REEP2: variants seen among roughly 807,000 people sequenced by gnomAD.
REEP2 encodes the protein receptor expression-enhancing protein 2.
REEP2 carries 9 observed loss-of-function variants against 32.1 expected under a neutral mutation model. That is an observed-to-expected ratio of 0.28 (90% CI 0.17 to 0.49). The LOEUF (loss-of-function observed/expected upper bound fraction) is 0.49. REEP2 is among the 20% of genes least tolerant of loss of function. The probability of loss-of-function intolerance (pLI) is 0.99; values close to 1 mark genes in which losing one functional copy is unlikely to be tolerated. For synonymous variants in REEP2, 128 were observed against 139.1 expected, an observed-to-expected ratio of 0.92 and a Z score of 0.56; for missense variants, 236 against 338.0, an observed-to-expected ratio of 0.70 and a Z score of 2.37.
rs1440828305 is a variant in REEP2, at chr5:138,445,860, G to A, written c.*109G>A. 1.8e-6 allele frequency: 2 copies of A among 1,113,774 alleles called. No homozygotes were observed. Among genetic ancestry groups the A allele is most frequent in the East Asian group, 5.1e-5 (2 of 39,130 alleles). The allele number at this position is 1,113,774 out of a possible 1,614,324, so 69.0% of individuals were successfully genotyped here. A position where few individuals can be genotyped will look rare whatever the true frequency, so the allele number is the denominator to read the frequency against. On this transcript the variant is annotated 3_prime_UTR_variant, in exon 8 of 8. Coordinates refer to ENST00000378339, the MANE Select transcript of REEP2 (RefSeq NM_001271803.2). ...GTAGCCTAGGTGTCTCAGGCCCCTG[G>A]GCCCCGCAGATGGCCATTTCCGGTG...
At chr5:138,439,331 C>A in intron 1 of REEP2, 91 bp downstream of exon 1, 1 of 1,285,598 alleles carries the variant, frequency 7.8e-7, no homozygotes, top group Non-Finnish European at 1.0e-6. Flanking sequence ...CTTCGTGCAG[C>A]AGAGTCACCT....
chr5:138,441,496 C>G lies in REEP2; in HGVS notation c.182+35C>G, dbSNP rs762332862. ...AGCGTCCCCTCCTGTATCTCAGGGC[C>G]CAGGGCCTCTGCCTTTCTCTACCCA... On this transcript the variant is annotated intron_variant, in intron 3 of 7. Transcript: ENST00000378339. This position sits in a 1 kb window ranked among gnomAD's most constrained non-coding sequence, Gnocchi z 4.4. The G allele has an allele frequency of 3.2e-5, 50 of 1,576,340 alleles. No individual in the cohort carries two copies. Among genetic ancestry groups the G allele is most frequent in the Non-Finnish European group, 4.0e-5 (46 of 1,145,686 alleles).
In REEP2 at chr5:138,441,863, G is replaced by A. The variant is rs897091832; in HGVS notation, c.182+402G>A. Among the ~76,000 whole-genome samples the A allele has an allele frequency of 6.6e-6, 1 of 152,032 alleles. No homozygotes were observed. Among genetic ancestry groups the A allele is most frequent in the African/African-American group, 2.4e-5 (1 of 41,394 alleles). ...AATTGCTTGAACCCAGGAGGTAGAG[G>A]TTGCAGTGAGCCGAGATCGCGCCAT... On this transcript the variant is annotated intron_variant, in intron 3 of 7. Coordinates refer to ENST00000378339, the MANE Select transcript of REEP2 (RefSeq NM_001271803.2). This position sits in a 1 kb window ranked among gnomAD's most constrained non-coding sequence, Gnocchi z 4.4.
chr5:138,442,775 G>C (rs1171119361), intron 3 of REEP2, among the ~76,000 whole-genome samples: 1 of 151,266 alleles, frequency 6.6e-6, no homozygotes, highest in East Asian at 2.0e-4. Context: ...GCAGGAGAAC[G>C]GTGTGAACCC....
At chr5:138,444,384 C>T (rs1177888405) in intron 3 of REEP2, 31 bp from the exon 4 acceptor site, 2 of 1,610,762 alleles carry the variant, frequency 1.2e-6, no homozygotes, top group South Asian at 1.1e-5. Flanking sequence ...ACTCCCTGCC[C>T]TGTACTCTGC....
intron 1 of REEP2, chr5:138,439,875 G>T (rs1362255692): frequency 2.5e-6 from 1 of 406,100 alleles, no homozygotes; most frequent in East Asian, 7.1e-5. Context: ...TGTGGACCCC[G>T]CTGGGGGAGG....
chr5:138,442,811 A>C (rs1763849671), intron 3 of REEP2, among the ~76,000 whole-genome samples: 1 of 150,896 alleles, frequency 6.6e-6, no homozygotes, highest in Non-Finnish European at 1.5e-5. Flanking sequence ...CAGTGAGTCG[A>C]GATCGAGCCA....
chr5:138,444,255 C>T (rs1010021274), intron 3 of REEP2, 160 bp from the exon 4 acceptor site: 13 of 761,152 alleles, frequency 1.7e-5, no homozygotes, highest in Admixed American at 8.5e-5. Context: ...CCCTCCAGAC[C>T]CTTTCAGATT....
intron 1 of REEP2, 22 bp from the exon 2 acceptor site, chr5:138,440,994 G>A: frequency 6.2e-7 from 1 of 1,610,926 alleles, no homozygotes; most frequent in Non-Finnish European, 8.5e-7. Context: ...GAGAGGCCCA[G>A]TAACCATGCC....
chr5:138,440,833 C>T, intron 1 of REEP2, 183 bp from the exon 2 acceptor site: 2 of 1,168,686 alleles, frequency 1.7e-6, no homozygotes, highest in Admixed American at 2.7e-5. Context: ...GGGGAGGGGG[C>T]ATCACCCTAC....
At position 138,446,105 on chromosome 5, in the gene REEP2, CG is replaced by C; in HGVS notation, c.*355del. ...GCAATCCGCTTCTCAGAGGTCCTGT[CG>C]TGTTTCCACTGCTCGCCTTGGTTTG... On this transcript the variant is annotated 3_prime_UTR_variant, in exon 8 of 8. Transcript: ENST00000378339. 1 of 228,880 alleles carries C rather than the reference CG, an allele frequency of 4.4e-6. No homozygotes were observed. Among genetic ancestry groups the C allele is most frequent in the South Asian group, 9.8e-5 (1 of 10,210 alleles). The allele number at this position is 228,880 out of a possible 1,614,324, so 14.2% of individuals were successfully genotyped here. A position where few individuals can be genotyped will look rare whatever the true frequency, so the allele number is the denominator to read the frequency against.
chr5:138,444,102 TG>T (rs2127024655), intron 3 of REEP2, among the ~76,000 whole-genome samples: 1 of 152,092 alleles, frequency 6.6e-6, no homozygotes, highest in East Asian at 1.9e-4. Flanking sequence ...CCCTTGGTGT[TG>T]ACCCTAGGGC....
At chr5:138,442,793 G>T (rs938646908) in intron 3 of REEP2, among the ~76,000 whole-genome samples, 1 of 151,004 alleles carries the variant, frequency 6.6e-6, no homozygotes. Context: ...CCCAGGAGGC[G>T]GAGCTTGCAG....
chr5:138,445,734 G>T lies in REEP2; in HGVS notation c.748G>T (p.Gly250Trp). The T allele has an allele frequency of 6.2e-7, 1 of 1,614,018 alleles. No homozygotes were observed. The highest frequency in any genetic ancestry group is 8.5e-7 in the Non-Finnish European group (1 of 1,179,978). Reference protein sequence around the residue: ...KTRPKKKTSGGGDSA With the variant: ...KTRPKKKTSGWGDSA The stretch of plus-strand genomic sequence containing the variant: ...CCGGCCCAAGAAGAAGACCTCTGGC[G>T]GGGGCGACTCAGCTTGAGCCCCTCC... Residue 250 changes from glycine (G) to tryptophan (W), a missense_variant, in exon 8 of 8, where the codon GGG becomes TGG. Coordinates refer to ENST00000378339, the MANE Select transcript of REEP2 (RefSeq NM_001271803.2).
At chr5:138,439,272 G>T (rs199654301) in intron 1 of REEP2, 32 bp downstream of exon 1, 140 of 1,429,526 alleles carry the variant, frequency 9.8e-5, no homozygotes, top group Middle Eastern at 4.0e-4. Context: ...GGTGATGCGG[G>T]CTGTGATGGA....
intron 1 of REEP2, 77 bp downstream of exon 1, chr5:138,439,317 G>A (rs188037942): frequency 1.5e-6 from 2 of 1,344,818 alleles, no homozygotes; most frequent in Admixed American, 5.4e-5. Context: ...GGACTTCTCC[G>A]AAGCTTCGTG....
At chr5:138,445,114 T>G in intron 5 of REEP2, 114 bp from the exon 6 acceptor site, 2 of 1,197,896 alleles carry the variant, frequency 1.7e-6, no homozygotes, top group African/African-American at 1.5e-5. Flanking sequence ...TGGGACTGGG[T>G]GAGGACAGTG....
intron 1 of REEP2, chr5:138,439,742 G>T (rs1177587802): frequency 4.4e-6 from 2 of 456,596 alleles, no homozygotes; most frequent in Non-Finnish European, 8.8e-6. Flanking sequence ...AGGAGACTGG[G>T]GACGAGGGCA....
At position 138,444,498 on chromosome 5, in the gene REEP2, G is replaced by A. The variant is rs1763886836; in HGVS notation, c.266G>A (p.Arg89His). Residue 89 changes from arginine to histidine, a missense_variant, in exon 4 of 8, where the codon CGC becomes CAC. By Grantham distance (29) the Arg-to-His change is conservative. Transcript: ENST00000378339. Reference protein sequence around the residue: ...PYTKGSSVLYRKFVHPTLSNK... With the variant: ...PYTKGSSVLYHKFVHPTLSNK... ...ACCAAGGGCTCCAGCGTGCTCTACC[G>A]CAAGTTCGTGCACCCAACGCTGTCC... 2.5e-6 allele frequency: 4 copies of A among 1,613,932 alleles called. No individual in the cohort carries two copies. The highest frequency in any genetic ancestry group is 1.7e-5 in the Admixed American group (1 of 59,986).
Sources: allele counts gnomAD v4.1 joint callset (sites outside exome capture counted in the v4.1 genomes callset), GRCh38; gene constraint gnomAD v4.1.1; non-coding constraint Gnocchi (gnomAD v3.1); transcripts MANE v1.5; gene names NCBI Gene and HGNC (gene_info 2026-07-23, HGNC 2026-07-21).